Variants in KIFC2 observed in about 807,000 individuals in gnomAD.
KIFC2 encodes kinesin-like protein KIFC2.
KIFC2 carries 94 observed loss-of-function variants against 91.5 expected under a neutral mutation model. The observed-to-expected ratio is 1.03, with a 90% CI of 0.87 to 1.22. KIFC2 has a LOEUF of 1.22. Ranked by LOEUF, KIFC2 falls within the 50% of genes most tolerant of loss-of-function variation. The pLI is 0.00. For missense variants in KIFC2, 1,357 were observed against 1,103.3 expected (o/e 1.23, Z -3.26); for synonymous variants, 729 against 503.9 (o/e 1.45, Z -5.98).
At chr8:144,466,872 G>A (rs1335599566) in intron 2 of KIFC2, 34 bp downstream of exon 2, 28 of 1,536,584 alleles carry the variant, frequency 1.8e-5, no homozygotes, top group Admixed American at 3.9e-5. Flanking sequence ...CGGTGCGAGG[G>A]CGGTGCCGGG....
rs780767732 is a variant in KIFC2, at chr8:144,469,601, G to A, written c.1334G>A (p.Arg445Gln). The change falls in exon 12 of 18, where the codon CGA becomes CAA. Residue 445 changes from arginine to glutamine, a missense_variant. Physicochemically the swap from Arg to Gln is conservative, Grantham distance 43 (BLOSUM62 1). Transcript: ENST00000645548. The part of the protein sequence containing the change: ...VTTCYRGRHR[R>Q]FRLDWVFPPD... ...ACCTGCTACCGGGGGCGCCATCGTC[G>A]ATTCCGCCTAGACTGGGTCTTCCCT... 6 of 1,611,614 alleles carry A rather than the reference G, an allele frequency of 3.7e-6. No homozygotes were observed. The highest frequency in any genetic ancestry group is 1.3e-5 in the African/African-American group (1 of 74,928).
rs1404760390 is a variant in KIFC2 at position 144,472,670 on chromosome 8, C to T, written c.1825C>T (p.Arg609Cys). The T allele has an allele frequency of 1.9e-6, 3 of 1,596,666 alleles. No homozygotes were observed. The highest frequency in any genetic ancestry group is 1.7e-6 in the Non-Finnish European group (2 of 1,178,392). ...GCATGCCCTGGTCACGCTGACGCTG[C>T]GCGCGGCGTCTCCACCGCGCGCTCC... ...RSHALVTLTL[R>C]AASPPRAPGT... Residue 609 changes from arginine (R) to cysteine (C), a missense_variant, in exon 16 of 18, where the codon CGC (arginine) becomes TGC (cysteine). Physicochemically the swap from Arg to Cys is radical, Grantham distance 180. Transcript: ENST00000645548.
chr8:144,466,584 CCGGGGCGGGGGCGGGCA>C (rs1211049823), intron 1 of KIFC2, 66 bp downstream of exon 1: 3 of 943,002 alleles, frequency 3.2e-6, no homozygotes, highest in Non-Finnish European at 4.1e-6. Flanking sequence ...GCCGAGGTTC[CCGGGGCGGGGGCGGGCA>C]CGGGGCGCGG....
rs751085727 is a variant in KIFC2 at position 144,472,007 on chromosome 8, C to T, written c.1446C>T (p.Thr482=). 2 of 1,613,566 alleles carry T rather than the reference C, an allele frequency of 1.2e-6. No individual in the cohort carries two copies. The highest frequency in any genetic ancestry group is 2.2e-5 in the South Asian group (2 of 91,086). Residue 482 remains threonine (T), a synonymous_variant, in exon 13 of 18, where the codon ACC becomes ACT. Coordinates refer to ENST00000645548, the MANE Select transcript of KIFC2 (RefSeq NM_001369769.2). ...GAGGCTACAGCGTCTGCATCTTCAC[C>T]TATGGCCAGACAGGCACCGGGAAGA... ...CLRGYSVCIF[T]YGQTGTGKTY...
Position 144,473,808 on chromosome 8 carries a change from C to T in KIFC2, c.*419C>T, listed in dbSNP as rs1825046517. 5.5e-6 allele frequency: 2 copies of T among 363,244 alleles called. No homozygotes were observed. Among genetic ancestry groups the T allele is most frequent in the Admixed American group, 8.6e-5 (2 of 23,162 alleles). 22.5% of individuals were successfully genotyped at this position (363,244 alleles called of 1,614,324 possible). A position where few individuals can be genotyped will look rare whatever the true frequency, so the allele number is the denominator to read the frequency against. On this transcript the variant is annotated 3_prime_UTR_variant, in exon 18 of 18. Transcript: ENST00000645548. Reference sequence around the variant, plus strand: ...GTAGGGTGCAGTCTTTACTCCCTAACCCGTTTCCCGAAAAAGGTGCTACCT... The same window carrying T: ...GTAGGGTGCAGTCTTTACTCCCTAATCCGTTTCCCGAAAAAGGTGCTACCT...
In KIFC2 at chr8:144,473,300, C is replaced by T; in HGVS notation, c.2287C>T (p.Pro763Ser). Residue 763 changes from proline (P) to serine (S), a missense_variant, in exon 18 of 18, where the codon CCT becomes TCT. Transcript: ENST00000645548. ...DTPLTGTPCT[P>S]TPSPGSPPCP... The stretch of plus-strand genomic sequence containing the variant: ...TCCGCTCACCGGGACCCCCTGCACC[C>T]CTACGCCGTCCCCTGGCAGTCCTCC... 1 of 1,605,248 alleles carries T rather than the reference C, an allele frequency of 6.2e-7. No homozygotes were observed. The highest frequency in any genetic ancestry group is 1.1e-5 in the South Asian group (1 of 89,684).
intron 12 of KIFC2, among the ~76,000 whole-genome samples, chr8:144,471,071 C>A (rs1418979506): frequency 1.3e-5 from 2 of 151,996 alleles, no homozygotes; most frequent in Non-Finnish European, 2.9e-5. Flanking sequence ...TCAAGCAATT[C>A]TCCTGCTTCA....
Position 144,473,569 on chromosome 8 carries a change from C to G in KIFC2, c.*180C>G, listed in dbSNP as rs1480081483. Reference sequence around the variant, plus strand: ...CAGCCAGTGAAGTGTGTTGTGCCTGCTGAAGTGATCACCCCCCGCCCCCAG... The same window carrying G: ...CAGCCAGTGAAGTGTGTTGTGCCTGGTGAAGTGATCACCCCCCGCCCCCAG... On this transcript the variant is annotated 3_prime_UTR_variant, in exon 18 of 18. Coordinates refer to ENST00000645548, the MANE Select transcript of KIFC2 (RefSeq NM_001369769.2). The G allele has an allele frequency of 3.2e-6, 3 of 933,560 alleles. No homozygotes were observed. The African/African-American group carries it at 5.2e-5, about 16-fold the overall frequency. The allele number at this position is 933,560 out of a possible 1,614,324, so 57.8% of individuals were successfully genotyped here.
rs768022702 is a variant in KIFC2 at position 144,473,368 on chromosome 8, C to T, written c.2355C>T (p.Pro785=). 1 of 1,578,394 alleles carries T rather than the reference C, an allele frequency of 6.3e-7. No homozygotes were observed. Among genetic ancestry groups the T allele is most frequent in the South Asian group, 1.2e-5 (1 of 86,876 alleles). ...ACGGCTCGGGCTCGGCTCTCGCGCC[C>T]GCAGAGGGCCTGCCCCTCTAGTCCT... ...PDNGSGSALA[P]AEGLPL Residue 785 remains proline (P), a synonymous_variant, in exon 18 of 18, where the codon CCC becomes CCT. Coordinates refer to ENST00000645548, the MANE Select transcript of KIFC2 (RefSeq NM_001369769.2).
chr8:144,468,897 G>C, intron 10 of KIFC2, 63 bp downstream of exon 10: 1 of 1,398,602 alleles, frequency 7.2e-7, no homozygotes, highest in Non-Finnish European at 1.0e-6. Flanking sequence ...TCTTTTGACG[G>C]GGGCGTTCCT....
rs1246038647 is a variant in KIFC2 at position 144,469,530 on chromosome 8, T to A, written c.1263T>A (p.Ser421=). ...RVLCRLRPGT[S]SSLVSVEPGP... ...TGTGTCGGCTGAGGCCAGGGACATC[T>A]TCTAGCCTTGTGAGTGTGGAGCCTG... The change falls in exon 12 of 18, where the codon TCT becomes TCA. Residue 421 remains serine (S), a synonymous_variant. Coordinates refer to ENST00000645548, the MANE Select transcript of KIFC2 (RefSeq NM_001369769.2). 2.5e-6 allele frequency: 4 copies of A among 1,613,732 alleles called. No homozygotes were observed. The highest frequency in any genetic ancestry group is 2.7e-5 in the African/African-American group (2 of 74,920).
In KIFC2 at chr8:144,473,322, C is replaced by T. The variant is rs963806302; in HGVS notation, c.2309C>T (p.Pro770Leu). 2 of 1,601,286 alleles carry T rather than the reference C, an allele frequency of 1.2e-6. No individual in the cohort carries two copies. Among genetic ancestry groups the T allele is most frequent in the Non-Finnish European group, 1.7e-6 (2 of 1,175,402 alleles). The change falls in exon 18 of 18, where the codon CCT (proline) becomes CTT (leucine). Residue 770 changes from proline (P) to leucine (L), a missense_variant. By Grantham distance (98) the Pro-to-Leu change is moderately conservative (BLOSUM62 -3). Coordinates refer to ENST00000645548, the MANE Select transcript of KIFC2 (RefSeq NM_001369769.2). ...ACCCCTACGCCGTCCCCTGGCAGTC[C>T]TCCATGCCCCAGTCCCGACAACGGC... ...PCTPTPSPGS[P>L]PCPSPDNGSG...
rs780327373 is a variant in KIFC2 at position 144,467,798 on chromosome 8, C to A, written c.681+19C>A. On this transcript the variant is annotated intron_variant, in intron 6 of 17. Coordinates refer to ENST00000645548, the MANE Select transcript of KIFC2 (RefSeq NM_001369769.2). ...GGGCGTGGTGAGGCTGCAGGGAGAC[C>A]TGGCAGGGCCGGGCATGGAGGGGGT... 1 of 1,613,560 alleles carries A rather than the reference C, an allele frequency of 6.2e-7. No homozygotes were observed. Among genetic ancestry groups the A allele is most frequent in the Admixed American group, 1.7e-5 (1 of 60,002 alleles).
In KIFC2 at chr8:144,467,463, A is replaced by C. The variant is rs1809785556; in HGVS notation, c.470-22A>C. The C allele has an allele frequency of 2.6e-6, 4 of 1,549,604 alleles. No homozygotes were observed. In the South Asian group the frequency reaches 5.0e-5, roughly 19 times the overall value. On this transcript the variant is annotated intron_variant, in intron 4 of 17. Coordinates refer to ENST00000645548, the MANE Select transcript of KIFC2 (RefSeq NM_001369769.2). ...TTGGACTAGAGACCTCTTCAGTGCTAACTGGGCCCACCCTACTCCAGGATC... is the reference window on the plus strand; with the variant it reads ...TTGGACTAGAGACCTCTTCAGTGCTCACTGGGCCCACCCTACTCCAGGATC...
chr8:144,469,951 G>C (rs778583472), intron 12 of KIFC2, among the ~76,000 whole-genome samples: 17 of 152,226 alleles, frequency 1.1e-4, no homozygotes, highest in Non-Finnish European at 2.2e-4. Context: ...GGTGGGGGCC[G>C]TGGGTGAGGA....
At chr8:144,466,593 G>C (rs1258625852) in intron 1 of KIFC2, 75 bp downstream of exon 1, 4 of 903,800 alleles carry the variant, frequency 4.4e-6, no homozygotes, top group Non-Finnish European at 5.8e-6. Context: ...CCCGGGGCGG[G>C]GGCGGGCACG....
chr8:144,467,970 C>T lies in KIFC2; in HGVS notation c.793C>T (p.Pro265Ser). ...CCTGCTGCACTGGGGCCCCGGGCCC[C>T]CCATCAGGGCTCCGCAGGTACTCTG... is the stretch of plus-strand genomic sequence containing the variant. ...DLLLHWGPGP[P>S]IRAPQEEAEA... The change falls in exon 7 of 18, where the codon CCC (proline) becomes TCC (serine). Residue 265 changes from proline (P) to serine (S), a missense_variant. Physicochemically the swap from Pro to Ser is moderately conservative, Grantham distance 74. Coordinates refer to ENST00000645548, the MANE Select transcript of KIFC2 (RefSeq NM_001369769.2). 1 of 1,576,712 alleles carries T rather than the reference C, an allele frequency of 6.3e-7. No homozygotes were observed. The highest frequency in any genetic ancestry group is 8.6e-7 in the Non-Finnish European group (1 of 1,166,952).
Position 144,472,689 on chromosome 8 carries a change from G to A in KIFC2, c.1844G>A (p.Arg615His). ...TLTLRAASPP[R>H]APGTAGTLHL... ...ACGCTGCGCGCGGCGTCTCCACCGC[G>A]CGCTCCAGGCACCGCAGGTACCACG... Residue 615 changes from arginine to histidine, a missense_variant, in exon 16 of 18, where the codon CGC becomes CAC. Physicochemically the swap from Arg to His is conservative, Grantham distance 29 (BLOSUM62 0). Transcript: ENST00000645548. 4 of 1,595,152 alleles carry A rather than the reference G, an allele frequency of 2.5e-6. No homozygotes were observed. Among genetic ancestry groups the A allele is most frequent in the Non-Finnish European group, 3.4e-6 (4 of 1,178,012 alleles).
chr8:144,472,613 GCCACCGC>G lies in KIFC2; in HGVS notation c.1770_1776del (p.Thr591Ter). ...GGGGAGGAGCAACCGGGCCACCGCCGCCACCGCCATGAACCAGCGCAGCTCCCGCTCG... is the reference window on the plus strand; with the variant it reads ...GGGGAGGAGCAACCGGGCCACCGCCGCATGAACCAGCGCAGCTCCCGCTCG... On this transcript the variant is annotated frameshift_variant, in exon 16 of 18. Transcript: ENST00000645548. LOFTEE classifies it high-confidence loss of function. The G allele has an allele frequency of 1.2e-6, 2 of 1,605,816 alleles. No homozygotes were observed. The highest frequency in any genetic ancestry group is 1.7e-4 in the Middle Eastern group (1 of 6,054).
Sources: allele counts gnomAD v4.1 joint callset (sites outside exome capture counted in the v4.1 genomes callset), GRCh38; gene constraint gnomAD v4.1.1; transcripts MANE v1.5; gene names NCBI Gene and HGNC (gene_info 2026-07-23, HGNC 2026-07-21).